The following KDM2A variants were observed in gnomAD, a reference collection of about 807,000 sequenced individuals.
The protein encoded by KDM2A is lysine demethylase 2A.
A neutral mutation model predicts 137.3 loss-of-function variants in KDM2A; 3 were observed. The observed-to-expected ratio is 0.02, with a 90% CI of 0.01 to 0.06. The LOEUF (loss-of-function observed/expected upper bound fraction) is 0.06, where lower values mean the gene tolerates loss of function less well. Ranked by LOEUF, KDM2A falls within the 10% of genes least tolerant of loss-of-function variation. KDM2A has a pLI of 1.00. For synonymous variants in KDM2A, 512 were observed against 541.5 expected (o/e 0.95, Z 0.76); for missense variants, 738 against 1,510.6 (o/e 0.49, Z 8.48).
intron 5 of KDM2A, among the ~76,000 whole-genome samples, chr11:67,189,917 A>T (rs997855491): frequency 6.6e-6 from 1 of 152,190 alleles, no homozygotes; most frequent in Non-Finnish European, 1.5e-5. Context: ...AACTTAAATA[A>T]CTAGAAAAAG....
chr11:67,226,856 GTGGCA>G (rs1858562484), intron 10 of KDM2A, among the ~76,000 whole-genome samples: 1 of 152,152 alleles, frequency 6.6e-6, no homozygotes, highest in Admixed American at 6.6e-5. Context: ...GCCAGGTGTG[GTGGCA>G]TACACTTGTA....
chr11:67,209,545 G>A (rs1182103983), intron 6 of KDM2A, among the ~76,000 whole-genome samples: 1 of 151,876 alleles, frequency 6.6e-6, no homozygotes, highest in Non-Finnish European at 1.5e-5. Context: ...CCAGGTTCAA[G>A]CAATTCTCCC....
chr11:67,157,519 C>T (rs940406917), intron 2 of KDM2A, among the ~76,000 whole-genome samples: 10 of 151,506 alleles, frequency 6.6e-5, no homozygotes, highest in Admixed American at 2.6e-4. Context: ...CCGAGGGGGG[C>T]GGATCACCTG....
chr11:67,142,595 G>A (rs892377610), intron 2 of KDM2A, among the ~76,000 whole-genome samples: 3 of 150,010 alleles, frequency 2.0e-5, no homozygotes, highest in Admixed American at 6.6e-5. Flanking sequence ...GTTGGGGTTG[G>A]GGGGGCGTCA....
intron 2 of KDM2A, among the ~76,000 whole-genome samples, chr11:67,142,051 A>G (rs928597699): frequency 2.0e-5 from 3 of 151,660 alleles, no homozygotes; most frequent in African/African-American, 7.3e-5. Flanking sequence ...TCATTCATTC[A>G]TTTTTGAGAC....
In KDM2A at chr11:67,256,953, G is replaced by T. The variant is rs1859635296; in HGVS notation, c.*1898G>T. 6.6e-6 allele frequency: 1 copy of T among 152,636 alleles called. No individual in the cohort carries two copies. The allele number at this position is 152,636 out of a possible 1,614,324, so 9.5% of individuals were successfully genotyped here. ...GAGGAAATGCCAGTGACTTATTCCAGAGTGCCTCAGTTAGGGGAACTTCTC... is the reference window on the plus strand; with the variant it reads ...GAGGAAATGCCAGTGACTTATTCCATAGTGCCTCAGTTAGGGGAACTTCTC... On this transcript the variant is annotated 3_prime_UTR_variant, in exon 21 of 21. Transcript: ENST00000529006.
At chr11:67,168,558 AC>A (rs1856799883) in intron 2 of KDM2A, among the ~76,000 whole-genome samples, 1 of 91,446 alleles carries the variant, frequency 1.1e-5, no homozygotes, top group African/African-American at 4.4e-5. Context: ...ACACACACAC[AC>A]ACACACAGTC....
At chr11:67,200,591 A>G (rs1857595551) in intron 5 of KDM2A, among the ~76,000 whole-genome samples, 1 of 151,996 alleles carries the variant, frequency 6.6e-6, no homozygotes, top group South Asian at 2.1e-4. Context: ...GGCTCACTGC[A>G]GGCTCAGTGT....
chr11:67,156,487 G>A (rs1197026216), intron 2 of KDM2A, among the ~76,000 whole-genome samples: 2 of 151,840 alleles, frequency 1.3e-5, no homozygotes, highest in South Asian at 2.1e-4. Context: ...GGGAGGCGAG[G>A]TGGGCGGATC....
rs913186510 is a variant in KDM2A at position 67,256,781 on chromosome 11, CTG to C, written c.*1727_*1728del. ...TGGCATTAACTGGCCTTAGAAGAAA[CTG>C]GATCCTGGTAGGGGGTGGCATTTTG... On this transcript the variant is annotated 3_prime_UTR_variant, in exon 21 of 21. Transcript: ENST00000529006. 6.6e-6 allele frequency: 1 copy of C among 152,664 alleles called. No individual in the cohort carries two copies. Among genetic ancestry groups the C allele is most frequent in the African/African-American group, 2.4e-5 (1 of 41,456 alleles). The allele number at this position is 152,664 out of a possible 1,614,324, so 9.5% of individuals were successfully genotyped here.
At chr11:67,207,936 T>C (rs1357666014) in intron 6 of KDM2A, among the ~76,000 whole-genome samples, 7 of 151,470 alleles carry the variant, frequency 4.6e-5, no homozygotes, top group Non-Finnish European at 8.8e-5. Context: ...GAGGCTGAGG[T>C]GGGAGGATCA....
At chr11:67,242,008 A>T (rs1463183225) in intron 12 of KDM2A, among the ~76,000 whole-genome samples, 1 of 152,220 alleles carries the variant, frequency 6.6e-6, no homozygotes, top group Non-Finnish European at 1.5e-5. Context: ...GGCGAGGCGG[A>T]GGTTGCAGTG....
chr11:67,218,845 G>A (rs941657829), intron 9 of KDM2A, among the ~76,000 whole-genome samples: 84 of 152,204 alleles, frequency 5.5e-4, no homozygotes, highest in African/African-American at 2.0e-3. Flanking sequence ...TCCTGACCTC[G>A]TGATCCACCC....
rs1227572353 is a variant in KDM2A at position 67,180,639 on chromosome 11, C to G, written c.181+422C>G. ...GATGTCATATATGTATTGTAGTGGT[C>G]AAAATTAATGTTTTGTTTACTTTTT... On this transcript the variant is annotated intron_variant, in intron 3 of 20. Coordinates refer to ENST00000529006, the MANE Select transcript of KDM2A (RefSeq NM_012308.3). Among the ~76,000 whole-genome samples, 6 of 151,868 alleles carry G rather than the reference C, an allele frequency of 4.0e-5. No homozygotes were observed. In the East Asian group the frequency reaches 1.2e-3, roughly 29 times the overall value.
chr11:67,205,492 A>T (rs887409687), intron 5 of KDM2A, among the ~76,000 whole-genome samples: 3 of 150,440 alleles, frequency 2.0e-5, no homozygotes, highest in Non-Finnish European at 3.0e-5. Context: ...ATAGATATAA[A>T]TTTTTTTTTT....
intron 2 of KDM2A, 131 bp from the exon 3 acceptor site, chr11:67,179,948 G>A: frequency 1.2e-6 from 1 of 825,508 alleles, no homozygotes; most frequent in Admixed American, 3.2e-5. Context: ...AGAAAGAAAA[G>A]ATCCATAAGG....
chr11:67,217,573 C>G (rs1858207848), intron 8 of KDM2A, 158 bp from the exon 9 acceptor site: 1 of 655,612 alleles, frequency 1.5e-6, no homozygotes, highest in Admixed American at 2.7e-5. Context: ...CTGCCTTGGA[C>G]CTTCTAGGGT....
chr11:67,221,966 A>G (rs1858366689), intron 10 of KDM2A, among the ~76,000 whole-genome samples: 1 of 152,068 alleles, frequency 6.6e-6, no homozygotes, highest in Non-Finnish European at 1.5e-5. Flanking sequence ...TGTCTATTCT[A>G]AAATAGGTAA....
chr11:67,236,619 T>G (rs1325040886), intron 12 of KDM2A, among the ~76,000 whole-genome samples: 1 of 152,214 alleles, frequency 6.6e-6, no homozygotes, highest in East Asian at 1.9e-4. Context: ...TCTAAACATT[T>G]TGATAAGCCT....
Sources: gnomAD v4.1 joint callset for allele counts (sites outside exome capture counted in the v4.1 genomes callset) on GRCh38, gnomAD v4.1.1 for gene constraint, MANE v1.5 for transcripts, NCBI Gene and HGNC (gene_info 2026-07-23, HGNC 2026-07-21) for gene names.